ZNF624: variants seen among roughly 807,000 people sequenced by gnomAD.
ZNF624 encodes the protein zinc finger protein 624.
A neutral mutation model predicts 74.7 loss-of-function variants in ZNF624; 43 were observed. The observed-to-expected ratio is 0.58, with a 90% CI of 0.45 to 0.74. The LOEUF (loss-of-function observed/expected upper bound fraction) is 0.74. Among genes scored for constraint, ZNF624 ranks in the 30% least tolerant of loss-of-function variants. ZNF624 has a pLI of 0.00. For missense variants in ZNF624, 820 were observed against 1,030.0 expected, an observed-to-expected ratio of 0.80 and a Z score of 2.79; for synonymous variants, 331 against 341.3, an observed-to-expected ratio of 0.97 and a Z score of 0.33.
downstream of ZNF624, among the ~76,000 whole-genome samples, chr17:16,618,106 C>T (rs1908829900): frequency 6.6e-6 from 1 of 152,100 alleles, no homozygotes; most frequent in South Asian, 2.1e-4. Flanking sequence ...GATCCACCTG[C>T]CTCAGGTGGA....
At chr17:16,640,542 C>G (rs968213174) in intron 3 of ZNF624, among the ~76,000 whole-genome samples, 5 of 151,904 alleles carry the variant, frequency 3.3e-5, no homozygotes, top group Non-Finnish European at 7.4e-5. Flanking sequence ...AGAGAGAAGA[C>G]ACAAATTACT....
At chr17:16,650,743 T>C (rs1005721998) in intron 1 of ZNF624, among the ~76,000 whole-genome samples, 1 of 152,130 alleles carries the variant, frequency 6.6e-6, no homozygotes, top group South Asian at 2.1e-4. Flanking sequence ...GGCAGTGACA[T>C]AATAAGTATT....
At chr17:16,630,579 T>C (rs1909182971) in intron 5 of ZNF624, among the ~76,000 whole-genome samples, 1 of 151,772 alleles carries the variant, frequency 6.6e-6, no homozygotes, top group Admixed American at 6.6e-5. Flanking sequence ...AAATTAACAA[T>C]ATACTACCTT....
chr17:16,632,144 C>CAT (rs1291661003), intron 5 of ZNF624, among the ~76,000 whole-genome samples: 1 of 152,192 alleles, frequency 6.6e-6, no homozygotes, highest in Non-Finnish European at 1.5e-5. Flanking sequence ...TGGCAGCTAT[C>CAT]ATAATAGTGG....
intron 3 of ZNF624, among the ~76,000 whole-genome samples, chr17:16,646,115 T>C (rs1031241861): frequency 6.6e-6 from 1 of 152,132 alleles, no homozygotes. Context: ...ATAAAAAGGA[T>C]GCAGAATTTA....
chr17:16,633,979 G>C (rs1411109255), intron 4 of ZNF624, 22 bp from the exon 5 acceptor site: 1 of 1,592,574 alleles, frequency 6.3e-7, no homozygotes, highest in Non-Finnish European at 8.6e-7. Context: ...AAAATAAATA[G>C]GATTTGATTG....
intron 1 of ZNF624, among the ~76,000 whole-genome samples, chr17:16,652,428 CATTTATCAAG>C (rs1360584652): frequency 1.3e-5 from 2 of 152,140 alleles, no homozygotes; most frequent in African/African-American, 4.8e-5. Flanking sequence ...GCATCTTTAA[CATTTATCAAG>C]AGTGAGCTGA....
chr17:16,650,804 G>A (rs1242931423), intron 1 of ZNF624, among the ~76,000 whole-genome samples: 1 of 152,086 alleles, frequency 6.6e-6, no homozygotes, highest in Non-Finnish European at 1.5e-5. Context: ...CTGCAAGTAG[G>A]GCCTTTGTTA....
Position 16,623,362 on chromosome 17 carries a change from T to G in ZNF624, c.1524A>C (p.Ala508=). ...CTGTGAAATTTGCGATGCGGTTGAA[T>G]GCTTTCCCACATTCATTACATTCAT... ...KPYECNECGK[A]FNRIANFTEH... is the part of the protein sequence containing the mutation. Residue 508 remains alanine, a synonymous_variant, in exon 6 of 6, where the codon GCA becomes GCC. Transcript: ENST00000311331. The surrounding 1 kb of genome is among the most constrained non-coding windows in gnomAD (Gnocchi z 5.3). The G allele has an allele frequency of 6.2e-7, 1 of 1,613,726 alleles. No individual in the cohort carries two copies. Among genetic ancestry groups the G allele is most frequent in the Non-Finnish European group, 8.5e-7 (1 of 1,179,724 alleles).
chr17:16,632,249 C>T (rs1490562397), intron 5 of ZNF624, among the ~76,000 whole-genome samples: 1 of 152,182 alleles, frequency 6.6e-6, no homozygotes, highest in Non-Finnish European at 1.5e-5. Flanking sequence ...TGTACCTATT[C>T]AAGGTAAATC....
intron 1 of ZNF624, among the ~76,000 whole-genome samples, chr17:16,650,411 T>TATAATAATAATAATAATAATAATAATA (rs58272736): frequency 4.7e-5 from 7 of 148,104 alleles, no homozygotes; most frequent in African/African-American, 1.7e-4. Context: ...AGGAAGCAGG[T>TATAATAATAATAATAATAATAATAATA]ATAATAATAA....
At chr17:16,647,131 G>A (rs540787468) in intron 3 of ZNF624, among the ~76,000 whole-genome samples, 198 bp downstream of exon 3, 1 of 152,208 alleles carries the variant, frequency 6.6e-6, no homozygotes, top group South Asian at 2.1e-4. Context: ...TAGTAATCAC[G>A]ATGTGACTAT....
At chr17:16,645,945 C>CAAAAAAAAAAAA (rs35486112) in intron 3 of ZNF624, among the ~76,000 whole-genome samples, 3 of 56,042 alleles carry the variant, frequency 5.4e-5, no homozygotes, top group African/African-American at 7.1e-5. Context: ...GACTCCATCT[C>CAAAAAAAAAAAA]AAAAAAAAAA....
chr17:16,634,088 C>T (rs755617779), intron 4 of ZNF624, 131 bp from the exon 5 acceptor site: 16 of 575,240 alleles, frequency 2.8e-5, no homozygotes, highest in Non-Finnish European at 3.3e-5. Flanking sequence ...CTGTCTGATA[C>T]AGTTGCCAAT....
In ZNF624 at chr17:16,622,901, TG is replaced by T; in HGVS notation, c.1984del (p.His662IlefsTer134). On this transcript the variant is annotated frameshift_variant, in exon 6 of 6. Transcript: ENST00000311331. LOFTEE classifies it high-confidence loss of function. ...KSYLIVHQRT[H>X]TGEKPYKCNE... Reference sequence around the variant, plus strand: ...ACATTTATATGGTTTTTCTCCAGTATGGGTCCTCTGATGTACAATAAGGTAT... The same window carrying T: ...ACATTTATATGGTTTTTCTCCAGTATGGTCCTCTGATGTACAATAAGGTAT... The T allele has an allele frequency of 6.2e-7, 1 of 1,614,094 alleles. No homozygotes were observed.
At chr17:16,636,266 T>G (rs959087575) in intron 3 of ZNF624, among the ~76,000 whole-genome samples, 6 of 152,212 alleles carry the variant, frequency 3.9e-5, no homozygotes, top group African/African-American at 1.4e-4. Flanking sequence ...GAATCAAACT[T>G]TTGTCCTTTC....
Position 16,623,376 on chromosome 17 carries a change from C to T in ZNF624, c.1510G>A (p.Glu504Lys), listed in dbSNP as rs1388584649. The T allele has an allele frequency of 3.1e-6, 5 of 1,613,838 alleles. No individual in the cohort carries two copies. Among genetic ancestry groups the T allele is most frequent in the Non-Finnish European group, 4.2e-6 (5 of 1,179,802 alleles). ...ATGCGGTTGAATGCTTTCCCACATT[C>T]ATTACATTCATAGGGTTTTTCCCCA... is the stretch of plus-strand genomic sequence containing the variant. Reference protein sequence around the residue: ...HTGEKPYECNECGKAFNRIAN... With the variant: ...HTGEKPYECNKCGKAFNRIAN... The change falls in exon 6 of 6, where the codon GAA becomes AAA. Residue 504 changes from glutamate (E) to lysine (K), a missense_variant. Glu to Lys is a moderately conservative substitution (Grantham distance 56). Coordinates refer to ENST00000311331, the MANE Select transcript of ZNF624 (RefSeq NM_020787.4). The surrounding 1 kb of genome is among the most constrained non-coding windows in gnomAD (Gnocchi z 5.3).
At chr17:16,628,906 AAG>A (rs1252640116) in intron 5 of ZNF624, among the ~76,000 whole-genome samples, 18 of 152,168 alleles carry the variant, frequency 1.2e-4, no homozygotes, top group Admixed American at 1.1e-3. Context: ...CAGCCAAAAA[AAG>A]AGAGACAGGG....
chr17:16,634,845 G>A lies in ZNF624; in HGVS notation c.154-89C>T, dbSNP rs547868584. The A allele has an allele frequency of 3.8e-5, 48 of 1,265,580 alleles. 1 individual carries two copies. In the South Asian group the frequency reaches 7.3e-4, roughly 19 times the overall value. The allele number at this position is 1,265,580 out of a possible 1,614,324, so 78.4% of individuals were successfully genotyped here. On this transcript the variant is annotated intron_variant, in intron 3 of 5. Coordinates refer to ENST00000311331, the MANE Select transcript of ZNF624 (RefSeq NM_020787.4). Reference sequence around the variant, plus strand: ...CATAAAAAACTGGGGAAGAGCCCCAGAAACCAGAATCACCAAATGATCATG... The same window carrying A: ...CATAAAAAACTGGGGAAGAGCCCCAAAAACCAGAATCACCAAATGATCATG...
Sources: gnomAD v4.1 joint callset for allele counts (sites outside exome capture counted in the v4.1 genomes callset) on GRCh38, gnomAD v4.1.1 for gene constraint, Gnocchi (gnomAD v3.1) non-coding constraint, MANE v1.5 for transcripts, NCBI Gene and HGNC (gene_info 2026-07-23, HGNC 2026-07-21) for gene names.